The following TRAPPC8 variants were observed in gnomAD, a reference collection of about 807,000 sequenced individuals.
TRAPPC8 encodes trafficking protein particle complex subunit 8, also known as general sporulation gene 1 homolog.
Under a neutral mutation model 174.3 loss-of-function variants are expected in TRAPPC8, and 54 were observed. The ratio of observed to expected loss-of-function variants is 0.31; its 90% CI spans 0.25 to 0.39. The LOEUF is 0.39. TRAPPC8 is among the 10% of genes least tolerant of loss of function. The probability of loss-of-function intolerance (pLI) is 1.00; values close to 1 mark genes in which losing one functional copy is unlikely to be tolerated. For synonymous variants in TRAPPC8, 630 were observed against 579.9 expected (o/e 1.09, Z -1.24); for missense variants, 1,531 against 1,699.1 (o/e 0.90, Z 1.74).
intron 18 of TRAPPC8, among the ~76,000 whole-genome samples, chr18:31,865,605 A>G (rs1472061458): frequency 6.6e-6 from 1 of 151,894 alleles, no homozygotes; most frequent in Non-Finnish European, 1.5e-5. Context: ...ATTATACAAT[A>G]ACATATAAAG....
intron 12 of TRAPPC8, chr18:31,883,587 C>T (rs2035564956): frequency 6.5e-6 from 1 of 153,074 alleles, no homozygotes. Context: ...CAGGTACTAA[C>T]CATTTGGCCA....
chr18:31,875,073 T>C (rs1176622265), intron 12 of TRAPPC8, among the ~76,000 whole-genome samples: 8 of 152,132 alleles, frequency 5.3e-5, no homozygotes, highest in Non-Finnish European at 8.8e-5. Context: ...AAATTCTTTC[T>C]GGAAAAAGGC....
rs759162508 is a variant in TRAPPC8, at chr18:31,839,337, A to G, written c.3958T>C (p.Phe1320Leu). ...IKTSLHYPES[F>L]NHPFHQKSLC... ...CTTTTTTGATGAAATGGATGATTAA[A>G]TGATTCTGGGTAGTGAAGACTCGTT... The change falls in exon 27 of 29, where the codon TTT becomes CTT. Residue 1320 changes from phenylalanine (F) to leucine (L), a missense_variant. Coordinates refer to ENST00000283351, the MANE Select transcript of TRAPPC8 (RefSeq NM_014939.5). The G allele has an allele frequency of 1.2e-6, 2 of 1,601,368 alleles. No individual in the cohort carries two copies. The highest frequency in any genetic ancestry group is 2.2e-5 in the East Asian group (1 of 44,590).
At chr18:31,880,544 T>C (rs939213016) in intron 12 of TRAPPC8, among the ~76,000 whole-genome samples, 1 of 151,992 alleles carries the variant, frequency 6.6e-6, no homozygotes, top group Non-Finnish European at 1.5e-5. Context: ...CAAAATCATA[T>C]TGAATGGGGA....
chr18:31,846,339 C>A lies in TRAPPC8; in HGVS notation c.3837+377G>T, dbSNP rs555387159. 3.9e-5 allele frequency among the ~76,000 whole-genome samples: 6 copies of A among 152,174 alleles called. No homozygotes were observed. In the South Asian group the frequency reaches 1.2e-3, roughly 32 times the overall value. ...CTATAATCTCAGCACTTTGGGAGGC[C>A]AAGGCAGGAGGATCGCTTGAGCCCA... On this transcript the variant is annotated intron_variant, in intron 26 of 28. Coordinates refer to ENST00000283351, the MANE Select transcript of TRAPPC8 (RefSeq NM_014939.5).
rs534691926 is a variant in TRAPPC8, at chr18:31,841,629, A to C, written c.3838-2172T>G. ...CTGTGCTATACTGCTTTGGCAATTA[A>C]ATTTTCCTTCTGCTAATCATATGAC... On this transcript the variant is annotated intron_variant, in intron 26 of 28. Transcript: ENST00000283351. Among the ~76,000 whole-genome samples, 26 of 152,288 alleles carry C rather than the reference A, an allele frequency of 1.7e-4. No individual in the cohort carries two copies. The South Asian group carries it at 5.2e-3, about 30-fold the overall frequency.
At chr18:31,932,092 T>C (rs1430670968) in intron 1 of TRAPPC8, among the ~76,000 whole-genome samples, 1 of 152,008 alleles carries the variant, frequency 6.6e-6, no homozygotes, top group Non-Finnish European at 1.5e-5. Context: ...CTGCTCAAAT[T>C]TGCCATTAAT....
At chr18:31,849,341 A>G (rs985574917) in intron 25 of TRAPPC8, among the ~76,000 whole-genome samples, 1 of 152,132 alleles carries the variant, frequency 6.6e-6, no homozygotes, top group African/African-American at 2.4e-5. Flanking sequence ...TCATGTCTAC[A>G]ATATTCTCGG....
chr18:31,921,237 C>T (rs552571418), intron 2 of TRAPPC8, among the ~76,000 whole-genome samples: 11 of 152,158 alleles, frequency 7.2e-5, no homozygotes, highest in African/African-American at 2.7e-4. Context: ...CAGAATAAAT[C>T]TACTACATTT....
chr18:31,891,882 G>A (rs1004852428), intron 11 of TRAPPC8, among the ~76,000 whole-genome samples: 3 of 152,116 alleles, frequency 2.0e-5, no homozygotes, highest in Non-Finnish European at 4.4e-5. Context: ...AAACAGACTC[G>A]AGGAAATCAT....
chr18:31,887,765 T>C (rs1338410831), intron 12 of TRAPPC8, among the ~76,000 whole-genome samples: 5 of 149,398 alleles, frequency 3.3e-5, no homozygotes, highest in Admixed American at 2.6e-4. Flanking sequence ...AAGGATGCCC[T>C]CTCTCATCAC....
chr18:31,919,591 A>T lies in TRAPPC8; in HGVS notation c.353-1924T>A, dbSNP rs149044354. Reference sequence around the variant, plus strand: ...AAATAAATAAATAAATAAATAAATAAAATAATAATAATCCTAACACTTTGG... The same window carrying T: ...AAATAAATAAATAAATAAATAAATATAATAATAATAATCCTAACACTTTGG... On this transcript the variant is annotated intron_variant, in intron 2 of 28. Coordinates refer to ENST00000283351, the MANE Select transcript of TRAPPC8 (RefSeq NM_014939.5). Among the ~76,000 whole-genome samples, 227 of 64,966 alleles carry T rather than the reference A, an allele frequency of 3.5e-3. 2 individuals are homozygous for T. Among genetic ancestry groups the T allele is most frequent in the African/African-American group, 9.3e-3 (207 of 22,378 alleles). 42.6% of individuals were successfully genotyped at this position (64,966 alleles called of 152,430 possible). A position where few individuals can be genotyped will look rare whatever the true frequency, so the allele number is the denominator to read the frequency against.
chr18:31,931,243 T>C (rs1024977452), intron 2 of TRAPPC8, 86 bp downstream of exon 2: 3 of 1,268,942 alleles, frequency 2.4e-6, no homozygotes, highest in Admixed American at 2.6e-5. Flanking sequence ...CTTAAATACA[T>C]GTTGATCATC....
chr18:31,925,551 TCAGAAAGAA>T (rs2037579137), intron 2 of TRAPPC8, among the ~76,000 whole-genome samples: 1 of 152,108 alleles, frequency 6.6e-6, no homozygotes, highest in South Asian at 2.1e-4. Context: ...AACAGTAGTT[TCAGAAAGAA>T]CAGAGAGAAC....
At chr18:31,935,374 A>AAAAAAC (rs34416132) in intron 1 of TRAPPC8, among the ~76,000 whole-genome samples, 9 of 145,650 alleles carry the variant, frequency 6.2e-5, no homozygotes, top group African/African-American at 2.0e-4. Flanking sequence ...CAAAAAAAAA[A>AAAAAAC]CAGGCTTTAT....
At chr18:31,877,341 G>A (rs574574217) in intron 12 of TRAPPC8, among the ~76,000 whole-genome samples, 20 of 152,168 alleles carry the variant, frequency 1.3e-4, no homozygotes, top group African/African-American at 4.1e-4. Flanking sequence ...GGCCGGGCGC[G>A]GTGGCTCACA....
chr18:31,907,711 A>G (rs2036726875), intron 8 of TRAPPC8, 101 bp from the exon 9 acceptor site: 3 of 1,018,242 alleles, frequency 2.9e-6, no homozygotes, highest in Non-Finnish European at 4.0e-6. Context: ...GAATATGAAG[A>G]AAACTAATGC....
chr18:31,830,686 C>A lies in TRAPPC8; in HGVS notation c.*69G>T. Reference sequence around the variant, plus strand: ...AACCTCCATAACAAGTTAGGTATATCAAATACTGCTGTAAAACCCATCCAG... The same window carrying A: ...AACCTCCATAACAAGTTAGGTATATAAAATACTGCTGTAAAACCCATCCAG... On this transcript the variant is annotated 3_prime_UTR_variant, in exon 29 of 29. Coordinates refer to ENST00000283351, the MANE Select transcript of TRAPPC8 (RefSeq NM_014939.5). 1 of 1,337,632 alleles carries A rather than the reference C, an allele frequency of 7.5e-7. No individual in the cohort carries two copies. The highest frequency in any genetic ancestry group is 1.4e-5 in the South Asian group (1 of 72,462). 82.9% of individuals were successfully genotyped at this position (1,337,632 alleles called of 1,614,324 possible).
rs138966105 is a variant in TRAPPC8 at position 31,897,928 on chromosome 18, T to C, written c.1491-37A>G. Reference sequence around the variant, plus strand: ...AGGACAAGAAGATAAAATAGCACAATAATACCTTAGCACATCAAAGTAAAT... The same window carrying C: ...AGGACAAGAAGATAAAATAGCACAACAATACCTTAGCACATCAAAGTAAAT... On this transcript the variant is annotated intron_variant, in intron 10 of 28. Transcript: ENST00000283351. 2.3e-4 allele frequency: 361 copies of C among 1,552,738 alleles called. 3 individuals carry two copies. In the South Asian group the frequency reaches 3.6e-3, roughly 15 times the overall value.
Sources: allele counts gnomAD v4.1 joint callset (sites outside exome capture counted in the v4.1 genomes callset), GRCh38; gene constraint gnomAD v4.1.1; transcripts MANE v1.5; gene names NCBI Gene and HGNC (gene_info 2026-07-23, HGNC 2026-07-21).